The following LANCL3 variants were observed in gnomAD, a reference collection of about 807,000 sequenced individuals.
The protein encoded by LANCL3 is LanC like family member 3.
Under a neutral mutation model 26.5 loss-of-function variants are expected in LANCL3, and 19 were observed. That is an observed-to-expected ratio of 0.72 (90% confidence interval 0.50 to 1.05). The LOEUF is 1.05. Ranked by LOEUF, LANCL3 falls within the 50% of genes least tolerant of loss-of-function variation. The pLI, the probability that LANCL3 is intolerant of heterozygous loss-of-function variation, is 0.00. For missense variants in LANCL3, 318 were observed against 362.7 expected, an observed-to-expected ratio of 0.88 and a Z score of 1.00; for synonymous variants, 160 against 166.6, an observed-to-expected ratio of 0.96 and a Z score of 0.30.
In LANCL3 at chrX:37,680,001, CT is replaced by C. The variant is rs782246584; in HGVS notation, c.*4189del. 5 of 111,629 alleles carry C rather than the reference CT, an allele frequency of 4.5e-5. No homozygotes were observed. The highest frequency in any genetic ancestry group is 9.4e-5 in the Non-Finnish European group (5 of 53,169). 9.2% of individuals were successfully genotyped at this position (111,629 alleles called of 1,213,427 possible). ...TCATTGTGATATGTTTTTCCTGTAT[CT>C]GCTCTATCATGTGACCTCCTTTCGC... is the stretch of plus-strand genomic sequence containing the variant. On this transcript the variant is annotated 3_prime_UTR_variant, in exon 5 of 5. Transcript: ENST00000378619.
intron 1 of LANCL3, among the ~76,000 whole-genome samples, chrX:37,644,107 A>C (rs1925933637): frequency 1.8e-5 from 2 of 111,645 alleles, no homozygotes; most frequent in African/African-American, 6.5e-5. Flanking sequence ...ATGTTCAAAA[A>C]CCAGATTCCT....
At chrX:37,579,393 T>C (rs1231277074) in intron 1 of LANCL3, among the ~76,000 whole-genome samples, 18 of 111,710 alleles carry the variant, frequency 1.6e-4, no homozygotes, top group Non-Finnish European at 9.4e-5. Flanking sequence ...CTAAACGCTA[T>C]ATATACTACT....
Position 37,680,051 on chromosome X carries a change from A to G in LANCL3, c.*4238A>G, listed in dbSNP as rs1277729026. On this transcript the variant is annotated 3_prime_UTR_variant, in exon 5 of 5. Coordinates refer to ENST00000378619, the MANE Select transcript of LANCL3 (RefSeq NM_001170331.2). Reference sequence around the variant, plus strand: ...GCCTGGGAGGGCAGATTTTCTCCTTATCTCTTCCATCCATGTCTGTTCTTA... The same window carrying G: ...GCCTGGGAGGGCAGATTTTCTCCTTGTCTCTTCCATCCATGTCTGTTCTTA... The G allele has an allele frequency of 9.0e-6, 1 of 110,924 alleles. No homozygotes were observed. Among genetic ancestry groups the G allele is most frequent in the Non-Finnish European group, 1.9e-5 (1 of 52,965 alleles). 9.1% of individuals were successfully genotyped at this position (110,924 alleles called of 1,213,427 possible).
chrX:37,622,243 T>A (rs1925184210), intron 1 of LANCL3, among the ~76,000 whole-genome samples: 1 of 111,481 alleles, frequency 9.0e-6, no homozygotes, highest in African/African-American at 3.3e-5. Flanking sequence ...ATACTTTAGC[T>A]CATTTTACAA....
At chrX:37,604,709 C>T (rs1924659722) in intron 1 of LANCL3, among the ~76,000 whole-genome samples, 1 of 112,165 alleles carries the variant, frequency 8.9e-6, no homozygotes, top group Non-Finnish European at 1.9e-5. Context: ...TGCAAAGCCT[C>T]TTAAGTTTGG....
intron 1 of LANCL3, among the ~76,000 whole-genome samples, chrX:37,630,698 A>G (rs1179396784): frequency 3.6e-5 from 4 of 110,525 alleles, no homozygotes; most frequent in South Asian, 3.9e-4. Context: ...TTCTGCATCT[A>G]TTGAGATAAT....
chrX:37,599,406 A>G (rs1431339178), intron 1 of LANCL3, among the ~76,000 whole-genome samples: 7 of 112,251 alleles, frequency 6.2e-5, no homozygotes, highest in African/African-American at 2.3e-4. Context: ...TTAGCCTTAC[A>G]TAGATCTGGG....
chrX:37,633,714 G>T lies in LANCL3; in HGVS notation c.574-21974G>T, dbSNP rs192530207. Among the ~76,000 whole-genome samples, 1,011 of 111,734 alleles carry T rather than the reference G, an allele frequency of 9.0e-3. 10 individuals carry two copies. The highest frequency in any genetic ancestry group is 0.031 in the African/African-American group (947 of 30,704). Reference sequence around the variant, plus strand: ...GTCCACTCCAGACCCTGTTTGCCTGGGTATCAGCAGCGGTGGCTGCAGAAC... The same window carrying T: ...GTCCACTCCAGACCCTGTTTGCCTGTGTATCAGCAGCGGTGGCTGCAGAAC... On this transcript the variant is annotated intron_variant, in intron 1 of 4. Transcript: ENST00000378619.
At chrX:37,648,205 A>G (rs924215059) in intron 1 of LANCL3, among the ~76,000 whole-genome samples, 7 of 112,513 alleles carry the variant, frequency 6.2e-5, no homozygotes, top group African/African-American at 2.3e-4. Flanking sequence ...AACCAAAGCC[A>G]CGATAGTCAT....
Position 37,634,264 on chromosome X carries a change from G to A in LANCL3, c.574-21424G>A, listed in dbSNP as rs1220589964. 7.1e-5 allele frequency among the ~76,000 whole-genome samples: 8 copies of A among 112,648 alleles called. No individual in the cohort carries two copies. In the South Asian group the frequency reaches 2.2e-3, roughly 31 times the overall value. ...GGTGCAGGATATAATCTCCTGGTGC[G>A]CCGTTTTTTAAGCCCGTTGGAAAAG... On this transcript the variant is annotated intron_variant, in intron 1 of 4. Coordinates refer to ENST00000378619, the MANE Select transcript of LANCL3 (RefSeq NM_001170331.2).
chrX:37,637,662 G>GT lies in LANCL3; in HGVS notation c.574-18023dup, dbSNP rs1925742363. Among the ~76,000 whole-genome samples the GT allele has an allele frequency of 5.4e-5, 6 of 112,107 alleles. No individual in the cohort carries two copies. The South Asian group carries it at 2.2e-3, about 42-fold the overall frequency. On this transcript the variant is annotated intron_variant, in intron 1 of 4. Coordinates refer to ENST00000378619, the MANE Select transcript of LANCL3 (RefSeq NM_001170331.2). ...ACTAAGCAATATCAGCAGTCAGCCA[G>GT]TTTCAGACTTTTTGTTACATGAGAA...
chrX:37,605,055 G>A (rs899838085), intron 1 of LANCL3, among the ~76,000 whole-genome samples: 1 of 111,574 alleles, frequency 9.0e-6, no homozygotes, highest in African/African-American at 3.3e-5. Context: ...AGATGCTGAG[G>A]AGTATTTCAC....
In LANCL3 at chrX:37,679,952, C is replaced by T. The variant is rs980568149; in HGVS notation, c.*4139C>T. The T allele has an allele frequency of 1.3e-4, 14 of 111,679 alleles. No homozygotes were observed. The highest frequency in any genetic ancestry group is 4.2e-4 in the African/African-American group (13 of 30,689). 9.2% of individuals were successfully genotyped at this position (111,679 alleles called of 1,213,427 possible). On this transcript the variant is annotated 3_prime_UTR_variant, in exon 5 of 5. Transcript: ENST00000378619. ...ACCCCTGATTCACCAACTTCTCCTT[C>T]TTCTCCTCTTTAAATATTATAGTTC...
chrX:37,579,340 A>G (rs1377489130), intron 1 of LANCL3, among the ~76,000 whole-genome samples: 14 of 111,517 alleles, frequency 1.3e-4, no homozygotes, highest in African/African-American at 2.6e-4. Flanking sequence ...TGCCAGGGAT[A>G]TGTTCCAAGA....
chrX:37,575,872 A>C (rs1469029245), intron 1 of LANCL3, among the ~76,000 whole-genome samples: 13 of 112,533 alleles, frequency 1.2e-4, no homozygotes, highest in African/African-American at 3.9e-4. Flanking sequence ...TAGAATGCTG[A>C]TTACTATATT....
chrX:37,609,677 C>A (rs1924812279), intron 1 of LANCL3, among the ~76,000 whole-genome samples: 1 of 108,947 alleles, frequency 9.2e-6, no homozygotes, highest in South Asian at 3.9e-4. Context: ...CCAAGAAAAC[C>A]AGAGTGGATG....
intron 4 of LANCL3, among the ~76,000 whole-genome samples, chrX:37,669,386 C>T (rs72619419): frequency 0.22 from 24,371 of 109,787 alleles, 2,277 homozygotes; most frequent in African/African-American, 0.36. Context: ...AATCTCATGT[C>T]GAATTGTAAT....
At chrX:37,610,664 T>C (rs1280411766) in intron 1 of LANCL3, among the ~76,000 whole-genome samples, 4 of 111,591 alleles carry the variant, frequency 3.6e-5, no homozygotes, top group African/African-American at 1.3e-4. Context: ...TTTGGCCACT[T>C]ATAAACACTT....
intron 1 of LANCL3, among the ~76,000 whole-genome samples, chrX:37,598,496 C>G (rs1234078117): frequency 8.9e-6 from 1 of 112,027 alleles, no homozygotes; most frequent in Admixed American, 9.5e-5. Context: ...TTGTAAGATG[C>G]ATTTTTATGT....
Sources: allele counts gnomAD v4.1 joint callset (sites outside exome capture counted in the v4.1 genomes callset), GRCh38; gene constraint gnomAD v4.1.1; transcripts MANE v1.5; gene names NCBI Gene and HGNC (gene_info 2026-07-23, HGNC 2026-07-21).